CDH12: variants seen among roughly 807,000 people sequenced by gnomAD.
CDH12 encodes cadherin-12.
Under a neutral mutation model 74.1 loss-of-function variants are expected in CDH12, and 41 were observed. The ratio of observed to expected loss-of-function variants is 0.55; its 90% CI spans 0.43 to 0.72. CDH12 has a LOEUF of 0.72. Among genes scored for constraint, CDH12 ranks in the 30% least tolerant of loss-of-function variants. The pLI is 0.00. For missense variants in CDH12, 945 were observed against 977.2 expected, an observed-to-expected ratio of 0.97 and a Z score of 0.44; for synonymous variants, 399 against 355.0, an observed-to-expected ratio of 1.12 and a Z score of -1.39.
At chr5:21,829,489 T>C (rs1748884574) in intron 8 of CDH12, among the ~76,000 whole-genome samples, 1 of 152,240 alleles carries the variant, frequency 6.6e-6, no homozygotes, top group South Asian at 2.1e-4. Flanking sequence ...CTTGTGTCTG[T>C]TATTTGTTAA....
chr5:22,103,784 A>G (rs1457540190), intron 4 of CDH12, among the ~76,000 whole-genome samples: 1 of 152,200 alleles, frequency 6.6e-6, no homozygotes, highest in African/African-American at 2.4e-5. Flanking sequence ...TATGTTTTCC[A>G]TTTATTTCAT....
At chr5:21,991,119 C>T (rs1403883424) in intron 5 of CDH12, among the ~76,000 whole-genome samples, 2 of 151,714 alleles carry the variant, frequency 1.3e-5, no homozygotes, top group African/African-American at 4.8e-5. Flanking sequence ...TTGAAAAATA[C>T]TTTCGACTGC....
intron 4 of CDH12, among the ~76,000 whole-genome samples, chr5:22,110,714 G>C (rs901019854): frequency 6.6e-6 from 1 of 152,158 alleles, no homozygotes; most frequent in African/African-American, 2.4e-5. Context: ...TGGGGAAGTT[G>C]CAAATCTTGT....
chr5:22,729,402 A>G (rs1399115579), intron 1 of CDH12, among the ~76,000 whole-genome samples: 1 of 151,828 alleles, frequency 6.6e-6, no homozygotes, highest in African/African-American at 2.4e-5. Flanking sequence ...GGCTCATGTT[A>G]TTACATTGCA....
At chr5:21,883,365 C>A in intron 6 of CDH12, 3 of 1,530,898 alleles carry the variant, frequency 2.0e-6, no homozygotes, top group Non-Finnish European at 2.7e-6. Flanking sequence ...GTCCATTGTA[C>A]CTGCTCTTGA....
At chr5:22,841,826 A>T (rs1048100668) in intron 1 of CDH12, among the ~76,000 whole-genome samples, 3 of 152,126 alleles carry the variant, frequency 2.0e-5, no homozygotes, top group African/African-American at 7.2e-5. Flanking sequence ...TGCATTTTTG[A>T]GTTGGCAGGA....
At chr5:22,621,840 C>T (rs902100745) in intron 1 of CDH12, among the ~76,000 whole-genome samples, 5 of 151,778 alleles carry the variant, frequency 3.3e-5, no homozygotes, top group South Asian at 2.1e-4. Flanking sequence ...TAAAAAAAAT[C>T]GATAATTCAG....
At chr5:22,491,622 C>CA (rs33936783) in intron 2 of CDH12, among the ~76,000 whole-genome samples, 62,520 of 135,346 alleles carry the variant, frequency 0.46, 14,702 homozygotes, top group Admixed American at 0.62. Context: ...AAAAAAAAAA[C>CA]AAAAAAAAAA....
At chr5:22,197,154 G>A (rs1402721054) in intron 4 of CDH12, among the ~76,000 whole-genome samples, 1 of 152,006 alleles carries the variant, frequency 6.6e-6, no homozygotes, top group Non-Finnish European at 1.5e-5. Flanking sequence ...CTTAAAGAAT[G>A]GAAAGAATAG....
chr5:21,963,442 T>C (rs1321584394), intron 6 of CDH12, among the ~76,000 whole-genome samples: 1 of 152,176 alleles, frequency 6.6e-6, no homozygotes, highest in African/African-American at 2.4e-5. Flanking sequence ...GTCTGCCTCC[T>C]TGTTTAATGG....
intron 3 of CDH12, among the ~76,000 whole-genome samples, chr5:22,226,797 C>T (rs1339475313): frequency 6.6e-6 from 1 of 152,078 alleles, no homozygotes; most frequent in African/African-American, 2.4e-5. Flanking sequence ...TAGTATCCAG[C>T]ACATAATATA....
chr5:22,147,113 A>G (rs1354743862), intron 4 of CDH12, among the ~76,000 whole-genome samples: 1 of 152,166 alleles, frequency 6.6e-6, no homozygotes, highest in Non-Finnish European at 1.5e-5. Flanking sequence ...GATAATTAAT[A>G]TATTATTCTC....
chr5:22,803,972 T>C (rs1463170176), intron 1 of CDH12, among the ~76,000 whole-genome samples: 1 of 151,974 alleles, frequency 6.6e-6, no homozygotes, highest in Non-Finnish European at 1.5e-5. Flanking sequence ...TGAGTCTATG[T>C]TTTTACAAAA....
At chr5:22,602,195 C>G (rs1736883245) in intron 1 of CDH12, among the ~76,000 whole-genome samples, 1 of 152,052 alleles carries the variant, frequency 6.6e-6, no homozygotes, top group South Asian at 2.1e-4. Flanking sequence ...CGAGACTTCT[C>G]TCACCTATGA....
chr5:22,483,535 T>C (rs186832990), intron 2 of CDH12, among the ~76,000 whole-genome samples: 5 of 150,642 alleles, frequency 3.3e-5, no homozygotes, highest in Admixed American at 2.0e-4. Context: ...TCTAAGACCA[T>C]GTAGTGATGG....
intron 6 of CDH12, among the ~76,000 whole-genome samples, chr5:21,869,514 T>C (rs1751506726): frequency 6.6e-6 from 1 of 152,216 alleles, no homozygotes; most frequent in Non-Finnish European, 1.5e-5. Context: ...TTTATACATA[T>C]ATTAAGAAAT....
chr5:21,980,007 T>C (rs1561344683), intron 5 of CDH12, among the ~76,000 whole-genome samples: 1 of 151,876 alleles, frequency 6.6e-6, no homozygotes. Context: ...TATCTCATAG[T>C]GGTTTTGATT....
At chr5:22,586,833 G>A (rs1174579203) in intron 1 of CDH12, among the ~76,000 whole-genome samples, 1 of 140,754 alleles carries the variant, frequency 7.1e-6, no homozygotes, top group Non-Finnish European at 1.5e-5. Flanking sequence ...GAGTTTAGAG[G>A]AGGATTTTTT....
intron 6 of CDH12, among the ~76,000 whole-genome samples, chr5:21,942,810 C>A (rs563607012): frequency 6.6e-6 from 1 of 152,122 alleles, no homozygotes; most frequent in East Asian, 1.9e-4. Context: ...ATATAATCCC[C>A]CAAAAATGTT....
Sources: gnomAD v4.1 joint callset for allele counts (sites outside exome capture counted in the v4.1 genomes callset) on GRCh38, gnomAD v4.1.1 for gene constraint, MANE v1.5 for transcripts, NCBI Gene and HGNC (gene_info 2026-07-23, HGNC 2026-07-21) for gene names.